MGAT4C: variants seen among roughly 807,000 people sequenced by gnomAD.
The protein encoded by MGAT4C is alpha-1,3-mannosyl-glycoprotein 4-beta-N-acetylglucosaminyltransferase C.
MGAT4C carries 19 observed loss-of-function variants against 40.1 expected under a neutral mutation model. The ratio of observed to expected loss-of-function variants is 0.47; its 90% CI spans 0.33 to 0.70. MGAT4C has a LOEUF of 0.70. Ranked by LOEUF, MGAT4C falls within the 30% of genes least tolerant of loss-of-function variation. The pLI, the probability that MGAT4C is intolerant of heterozygous loss-of-function variation, is 0.02. For missense variants in MGAT4C, 491 were observed against 563.2 expected, an observed-to-expected ratio of 0.87 and a Z score of 1.30; for synonymous variants, 181 against 187.1, an observed-to-expected ratio of 0.97 and a Z score of 0.27.
intron 4 of MGAT4C, among the ~76,000 whole-genome samples, chr12:86,325,294 AT>A (rs560208361): frequency 6.6e-6 from 1 of 152,176 alleles, no homozygotes; most frequent in Non-Finnish European, 1.5e-5. Flanking sequence ...ATTTTTCCAC[AT>A]TAAGTTCTCA....
At chr12:86,297,284 T>C (rs1953705413) in intron 4 of MGAT4C, among the ~76,000 whole-genome samples, 1 of 152,198 alleles carries the variant, frequency 6.6e-6, no homozygotes, top group Non-Finnish European at 1.5e-5. Context: ...GGAGAGTTTA[T>C]TTCTGTACAA....
rs143338395 is a variant in MGAT4C, at chr12:86,039,772, G to A, written c.-7+9902C>T. On this transcript the variant is annotated intron_variant, in intron 2 of 4. Coordinates refer to ENST00000611864, the MANE Select transcript of MGAT4C (RefSeq NM_001351288.2). The stretch of plus-strand genomic sequence containing the variant: ...TCCAATTTTGTTCCCTTGCTAGCAG[G>A]GAGTTGTGATCCTTTGAAGGAAAAG... 1.4e-3 allele frequency among the ~76,000 whole-genome samples: 216 copies of A among 152,198 alleles called. 1 individual carries two copies. Among genetic ancestry groups the A allele is most frequent in the African/African-American group, 4.9e-3 (205 of 41,510 alleles).
intron 2 of MGAT4C, among the ~76,000 whole-genome samples, chr12:86,012,446 A>G (rs569216333): frequency 6.6e-6 from 1 of 152,182 alleles, no homozygotes; most frequent in East Asian, 1.9e-4. Flanking sequence ...TGCTTTTTTA[A>G]AGACCTGGGT....
intron 1 of MGAT4C, among the ~76,000 whole-genome samples, chr12:86,729,660 A>C (rs1950878233): frequency 6.6e-6 from 1 of 152,072 alleles, no homozygotes; most frequent in African/African-American, 2.4e-5. Context: ...AAACAAAAAA[A>C]ACTGTGGAAA....
intron 2 of MGAT4C, among the ~76,000 whole-genome samples, chr12:86,487,100 G>T (rs2136318833): frequency 6.6e-6 from 1 of 152,220 alleles, no homozygotes; most frequent in South Asian, 2.1e-4. Context: ...ATGCTATCAT[G>T]GTCACGTCTT....
At chr12:86,411,662 G>A (rs1484144567) in intron 3 of MGAT4C, among the ~76,000 whole-genome samples, 1 of 152,166 alleles carries the variant, frequency 6.6e-6, no homozygotes, top group East Asian at 1.9e-4. Context: ...AAAAATTGCA[G>A]CCTGGCCATG....
intron 4 of MGAT4C, among the ~76,000 whole-genome samples, chr12:86,323,775 C>T (rs61950703): frequency 0.079 from 12,010 of 151,790 alleles, 670 homozygotes; most frequent in Middle Eastern, 0.21. Context: ...AAACATTTTC[C>T]GATAAAATTG....
intron 3 of MGAT4C, among the ~76,000 whole-genome samples, chr12:86,360,924 T>C (rs931145724): frequency 5.3e-5 from 8 of 152,156 alleles, no homozygotes; most frequent in South Asian, 2.1e-4. Flanking sequence ...AGGTAATTGA[T>C]AGATTCAATG....
At chr12:86,391,866 G>GA (rs1407407981) in intron 3 of MGAT4C, among the ~76,000 whole-genome samples, 3 of 150,246 alleles carry the variant, frequency 2.0e-5, no homozygotes, top group South Asian at 4.2e-4. Flanking sequence ...CTCAAAAAAA[G>GA]AAAAAAAAAG....
chr12:86,592,348 C>T lies in MGAT4C; in HGVS notation c.-229+134861G>A, dbSNP rs796451918. Among the ~76,000 whole-genome samples, 11 of 152,098 alleles carry T rather than the reference C, an allele frequency of 7.2e-5. 1 individual carries two copies. Among genetic ancestry groups the T allele is most frequent in the African/African-American group, 2.4e-4 (10 of 41,506 alleles). On this transcript the variant is annotated intron_variant, in intron 2 of 7. Coordinates refer to the MGAT4C transcript ENST00000548651. ...TGATTTTGAACACGTCATTTGGCCC[C>T]ATTGAGACTCAGTACTAGAATGAGT...
chr12:86,097,334 A>C (rs1196821889), intron 1 of MGAT4C, among the ~76,000 whole-genome samples: 1 of 151,690 alleles, frequency 6.6e-6, no homozygotes, highest in Non-Finnish European at 1.5e-5. Flanking sequence ...TTTGGCTTGA[A>C]TTGATCACTT....
chr12:86,096,689 G>T (rs1873987330), intron 1 of MGAT4C, among the ~76,000 whole-genome samples: 1 of 151,132 alleles, frequency 6.6e-6, no homozygotes, highest in African/African-American at 2.4e-5. Flanking sequence ...TTAGTTACTT[G>T]AAAAGTAGAG....
intron 2 of MGAT4C, among the ~76,000 whole-genome samples, chr12:86,661,799 C>T (rs1412627061): frequency 6.6e-6 from 1 of 151,948 alleles, no homozygotes; most frequent in Non-Finnish European, 1.5e-5. Context: ...ATTAGCCGGG[C>T]GTGGTGGTGT....
chr12:86,371,209 C>G (rs1404104534), intron 3 of MGAT4C, among the ~76,000 whole-genome samples: 1 of 151,986 alleles, frequency 6.6e-6, no homozygotes, highest in Admixed American at 6.6e-5. Context: ...TTATTAGTCA[C>G]CAAGACTTTC....
At chr12:86,101,909 C>A (rs939131612) in intron 1 of MGAT4C, among the ~76,000 whole-genome samples, 1 of 151,918 alleles carries the variant, frequency 6.6e-6, no homozygotes, top group African/African-American at 2.4e-5. Flanking sequence ...AGTTGAAAAC[C>A]TCCTACTGAA....
At chr12:86,821,296 CTGATAAGTGAATGAAAA>C (rs1952701737) in intron 1 of MGAT4C, among the ~76,000 whole-genome samples, 2 of 150,630 alleles carry the variant, frequency 1.3e-5, no homozygotes, top group African/African-American at 4.9e-5. Flanking sequence ...ATAGGTTGCA[CTGATAAGTGAATGAAAA>C]AAATAGACAA....
intron 1 of MGAT4C, among the ~76,000 whole-genome samples, chr12:86,760,849 T>C (rs1401445759): frequency 6.6e-6 from 1 of 152,076 alleles, no homozygotes; most frequent in Non-Finnish European, 1.5e-5. Flanking sequence ...AGATAAAAAG[T>C]GTATGTGGTG....
At chr12:86,084,974 T>C (rs570760206) in intron 1 of MGAT4C, among the ~76,000 whole-genome samples, 13 of 152,174 alleles carry the variant, frequency 8.5e-5, no homozygotes, top group Non-Finnish European at 1.9e-4. Flanking sequence ...TACGTGATAC[T>C]GGGTCTGATA....
intron 1 of MGAT4C, among the ~76,000 whole-genome samples, chr12:86,114,072 C>A (rs1463168356): frequency 1.3e-5 from 2 of 152,034 alleles, no homozygotes; most frequent in African/African-American, 2.4e-5. Context: ...TGATTATCAA[C>A]TAACTTCTGT....
Sources: allele counts gnomAD v4.1 joint callset (sites outside exome capture counted in the v4.1 genomes callset), GRCh38; gene constraint gnomAD v4.1.1; transcripts MANE v1.5; gene names NCBI Gene and HGNC (gene_info 2026-07-23, HGNC 2026-07-21).